The following NOMO2 variants were observed in gnomAD, a reference collection of about 807,000 sequenced individuals.
NOMO2 encodes the protein BOS complex subunit NOMO2.
In NOMO2, 14 loss-of-function variants were observed where a neutral mutation model predicts 67.1. The ratio of observed to expected loss-of-function variants is 0.21; its 90% CI spans 0.14 to 0.33. The LOEUF (loss-of-function observed/expected upper bound fraction) is 0.33, where lower values mean the gene tolerates loss of function less well. Ranked by LOEUF, NOMO2 falls within the 10% of genes least tolerant of loss-of-function variation. The pLI is 1.00. For missense variants in NOMO2, 178 were observed against 761.0 expected, an observed-to-expected ratio of 0.23 and a Z score of 9.01; for synonymous variants, 80 against 305.9, an observed-to-expected ratio of 0.26 and a Z score of 7.71.
chr16:18,554,433 T>C (rs1347755707), intron 3 of NOMO2, among the ~76,000 whole-genome samples: 1 of 151,986 alleles, frequency 6.6e-6, no homozygotes, highest in East Asian at 1.9e-4. Flanking sequence ...AATGTTTCAA[T>C]TAATTCCATA....
intron 16 of NOMO2, among the ~76,000 whole-genome samples, chr16:18,527,148 G>A (rs1485124933): frequency 8.2e-6 from 1 of 122,208 alleles, no homozygotes; most frequent in Non-Finnish European, 1.8e-5. Context: ...CCCAGGAGGC[G>A]GAGGCTGCAG....
At chr16:18,521,911 AG>A (rs1455513342) in intron 18 of NOMO2, among the ~76,000 whole-genome samples, 6 of 41,268 alleles carry the variant, frequency 1.5e-4, no homozygotes, top group Non-Finnish European at 1.9e-4. Flanking sequence ...GTGATCCCAG[AG>A]GGGGGTCAGA....
chr16:18,529,315 G>C (rs1901236895), intron 15 of NOMO2, 186 bp downstream of exon 15: 1 of 689,496 alleles, frequency 1.5e-6, no homozygotes, highest in Non-Finnish European at 2.6e-6. Flanking sequence ...CCTAAATACA[G>C]GGGTCCTTCC....
At chr16:18,533,263 T>A in intron 11 of NOMO2, 84 bp from the exon 12 acceptor site, 1 of 1,434,156 alleles carries the variant, frequency 7.0e-7, no homozygotes, top group Non-Finnish European at 9.6e-7. Flanking sequence ...GATGCAGCCC[T>A]CTCCCAGCCC....
At chr16:18,535,849 T>C (rs1361686231) in intron 11 of NOMO2, among the ~76,000 whole-genome samples, 1 of 151,840 alleles carries the variant, frequency 6.6e-6, no homozygotes, top group Non-Finnish European at 1.5e-5. Context: ...CAGGCTGGAG[T>C]GCAATGGTGC....
chr16:18,552,471 A>ACG (rs1901809707), intron 3 of NOMO2, among the ~76,000 whole-genome samples: 2 of 82,234 alleles, frequency 2.4e-5, no homozygotes, highest in East Asian at 4.6e-4. Flanking sequence ...GCGTACATGC[A>ACG]CACACACACA....
At chr16:18,524,677 T>C in intron 16 of NOMO2, 125 bp from the exon 17 acceptor site, 1 of 762,662 alleles carries the variant, frequency 1.3e-6, no homozygotes, top group Non-Finnish European at 2.1e-6. Flanking sequence ...AGATCTGCAA[T>C]AATGGGATCA....
chr16:18,543,224 G>A (rs1901587700), intron 7 of NOMO2, among the ~76,000 whole-genome samples: 1 of 147,986 alleles, frequency 6.8e-6, no homozygotes, highest in Admixed American at 6.8e-5. Flanking sequence ...TGTCACCCAG[G>A]CTGGAGTGCA....
chr16:18,535,087 C>A (rs1901386144), intron 11 of NOMO2, among the ~76,000 whole-genome samples: 1 of 114,970 alleles, frequency 8.7e-6, no homozygotes, highest in African/African-American at 3.1e-5. Flanking sequence ...GTAATCCCAG[C>A]ACTTTGGGAA....
intron 11 of NOMO2, among the ~76,000 whole-genome samples, chr16:18,535,952 A>C (rs1344778836): frequency 6.6e-6 from 1 of 151,844 alleles, no homozygotes; most frequent in African/African-American, 2.4e-5. Flanking sequence ...ACGCATCACC[A>C]TGCCCCGCCA....
intron 16 of NOMO2, among the ~76,000 whole-genome samples, chr16:18,526,939 G>A (rs1901159400): frequency 6.6e-6 from 1 of 151,670 alleles, no homozygotes; most frequent in Non-Finnish European, 1.5e-5. Flanking sequence ...AGAGAAGGTT[G>A]GGTGCAGCAG....
In NOMO2 at chr16:18,525,797, A is replaced by T. The variant is rs553374961; in HGVS notation, c.1895-1245T>A. On this transcript the variant is annotated intron_variant, in intron 16 of 30. Transcript: ENST00000622306. ...GCTTACTGGAGGAGGGGGCGCAAGG[A>T]AATGTTTGCCTGCCCTCTCCTTGAC... Among the ~76,000 whole-genome samples, 73 of 151,838 alleles carry T rather than the reference A, an allele frequency of 4.8e-4. 1 individual carries two copies. The highest frequency in any genetic ancestry group is 8.5e-4 in the Admixed American group (13 of 15,242).
chr16:18,561,173 T>TAAAG (rs1902030222), intron 1 of NOMO2, among the ~76,000 whole-genome samples: 1 of 32,452 alleles, frequency 3.1e-5, no homozygotes, highest in Non-Finnish European at 5.2e-5. Context: ...ACAACTTAAT[T>TAAAG]AAAAAAAAAA....
Position 18,543,713 on chromosome 16 carries a change from T to A in NOMO2, c.639A>T (p.Ile213=). ...AGCCAGACACATTGTAGCCAGCAAC[T>A]ATGAGGGGACTGGCCGCATTGGCAT... ...NSNANAASPL[I]VAGYNVSGSV... Residue 213 remains isoleucine, a synonymous_variant, in exon 7 of 31, where the codon ATA becomes ATT. Transcript: ENST00000622306. 1 of 1,610,886 alleles carries A rather than the reference T, an allele frequency of 6.2e-7. No homozygotes were observed. The highest frequency in any genetic ancestry group is 1.1e-5 in the South Asian group (1 of 90,898).
intron 4 of NOMO2, among the ~76,000 whole-genome samples, chr16:18,550,300 T>C (rs2561942): frequency 0.014 from 1,845 of 130,130 alleles, 4 homozygotes; most frequent in Middle Eastern, 0.029. Context: ...ACCCAGGAGG[T>C]GGAGGTTGTG....
At chr16:18,528,994 TA>T (rs1179354481) in intron 15 of NOMO2, among the ~76,000 whole-genome samples, 4 of 526 alleles carry the variant, frequency 7.6e-3, no homozygotes, top group Admixed American at 0.029. Context: ...AAAAAATACA[TA>T]TATATATATA....
intron 16 of NOMO2, among the ~76,000 whole-genome samples, chr16:18,526,473 G>A (rs1370081921): frequency 3.3e-5 from 5 of 151,940 alleles, no homozygotes; most frequent in East Asian, 3.9e-4. Flanking sequence ...AAGAATGTCC[G>A]TAACATTAGT....
intron 11 of NOMO2, among the ~76,000 whole-genome samples, chr16:18,537,152 T>A (rs1407828814): frequency 1.3e-5 from 2 of 152,070 alleles, no homozygotes; most frequent in African/African-American, 4.8e-5. Flanking sequence ...TTACCATCCA[T>A]CCAAGTACCT....
At chr16:18,559,437 G>C (rs1901987953) in intron 1 of NOMO2, among the ~76,000 whole-genome samples, 1 of 151,904 alleles carries the variant, frequency 6.6e-6, no homozygotes, top group Non-Finnish European at 1.5e-5. Context: ...GAGCCGCAAT[G>C]AAACAGTCGA....
Sources: gnomAD v4.1 joint callset for allele counts (sites outside exome capture counted in the v4.1 genomes callset) on GRCh38, gnomAD v4.1.1 for gene constraint, MANE v1.5 for transcripts, NCBI Gene and HGNC (gene_info 2026-07-23, HGNC 2026-07-21) for gene names.